ZFHX2: variants seen among roughly 807,000 people sequenced by gnomAD.
ZFHX2 encodes zinc finger homeobox protein 2.
ZFHX2 carries 75 observed loss-of-function variants against 164.8 expected under a neutral mutation model. That is an observed-to-expected ratio of 0.46 (90% CI 0.38 to 0.55). The LOEUF (loss-of-function observed/expected upper bound fraction) is 0.55, where lower values mean the gene tolerates loss of function less well. Among genes scored for constraint, ZFHX2 ranks in the 20% least tolerant of loss-of-function variants. The pLI is 0.00. For missense variants in ZFHX2, 2,933 were observed against 3,308.0 expected (o/e 0.89, Z 2.78); for synonymous variants, 1,217 against 1,351.4 (o/e 0.90, Z 2.18).
Position 23,524,571 on chromosome 14 carries a change from G to T in ZFHX2, c.5371C>A (p.His1791Asn), listed in dbSNP as rs904101994. ...QDLLTSHRRL[H>N]FLPSLQPSAP... ...CTGGGCTGCAGAGATGGCAGGAAAT[G>T]TAGTCGGCGGTGACTGGTCAGGAGG... Residue 1791 changes from histidine to asparagine, a missense_variant, in exon 9 of 10, where the codon CAT (histidine) becomes AAT (asparagine). By Grantham distance (68) the His-to-Asn change is moderately conservative. Transcript: ENST00000419474. This position sits in a 1 kb window ranked among gnomAD's most constrained non-coding sequence, Gnocchi z 5.6. The T allele has an allele frequency of 1.3e-6, 2 of 1,534,022 alleles. No homozygotes were observed. Among genetic ancestry groups the T allele is most frequent in the African/African-American group, 2.7e-5 (2 of 73,026 alleles).
Position 23,525,643 on chromosome 14 carries a change from G to C in ZFHX2, c.4299C>G (p.Asn1433Lys), listed in dbSNP as rs1446340152. The C allele has an allele frequency of 1.3e-6, 2 of 1,535,668 alleles. No homozygotes were observed. The highest frequency in any genetic ancestry group is 2.7e-5 in the African/African-American group (2 of 72,990). ...CTTTGGCTGCAGTGCGGGCAGCCTC[G>C]TTGGGCAATGGGTCGGGGGGTGAGG... is the stretch of plus-strand genomic sequence containing the variant. ...GPSSPPDPLP[N>K]EAARTAAKAL... Residue 1433 changes from asparagine to lysine, a missense_variant, in exon 9 of 10, where the codon AAC becomes AAG. Physicochemically the swap from Asn to Lys is moderately conservative, Grantham distance 94 (BLOSUM62 0). Coordinates refer to ENST00000419474, the MANE Select transcript of ZFHX2 (RefSeq NM_033400.3). This position sits in a 1 kb window ranked among gnomAD's most constrained non-coding sequence, Gnocchi z 5.9.
intron 3 of ZFHX2, 124 bp from the exon 4 acceptor site, chr14:23,531,845 T>C (rs1320827486): frequency 5.0e-6 from 6 of 1,196,382 alleles, no homozygotes; most frequent in South Asian, 8.2e-5. Flanking sequence ...TGGCATGATC[T>C]CTACTCACTG....
Position 23,524,601 on chromosome 14 carries a change from G to T in ZFHX2, c.5341C>A (p.Gln1781Lys). ...CDQCAISFSS[Q>K]DLLTSHRRLH... ...CGGCGGTGACTGGTCAGGAGGTCCT[G>T]GCTGGAGAAAGAAATGGCACACTGG... Residue 1781 changes from glutamine to lysine, a missense_variant, in exon 9 of 10, where the codon CAG (glutamine) becomes AAG (lysine). Coordinates refer to ENST00000419474, the MANE Select transcript of ZFHX2 (RefSeq NM_033400.3). This position sits in a 1 kb window ranked among gnomAD's most constrained non-coding sequence, Gnocchi z 5.6. 1 of 1,536,268 alleles carries T rather than the reference G, an allele frequency of 6.5e-7. No homozygotes were observed. Among genetic ancestry groups the T allele is most frequent in the South Asian group, 1.2e-5 (1 of 84,026 alleles).
chr14:23,524,637 G>A lies in ZFHX2; in HGVS notation c.5305C>T (p.His1769Tyr). The change falls in exon 9 of 10, where the codon CAT (histidine) becomes TAT (tyrosine). Residue 1769 changes from histidine (H) to tyrosine (Y), a missense_variant. Coordinates refer to ENST00000419474, the MANE Select transcript of ZFHX2 (RefSeq NM_033400.3). The surrounding 1 kb of genome is among the most constrained non-coding windows in gnomAD (Gnocchi z 5.6). ...EKATPSPSPA[H>Y]TCDQCAISFS... Reference sequence around the variant, plus strand: ...GAAATGGCACACTGGTCACAGGTATGGGCTGGGGAAGGTGATGGAGTAGCC... The same window carrying A: ...GAAATGGCACACTGGTCACAGGTATAGGCTGGGGAAGGTGATGGAGTAGCC... 3 of 1,536,430 alleles carry A rather than the reference G, an allele frequency of 2.0e-6. No individual in the cohort carries two copies. Among genetic ancestry groups the A allele is most frequent in the Non-Finnish European group, 2.6e-6 (3 of 1,146,920 alleles).
In ZFHX2 at chr14:23,535,851, C is replaced by T. The variant is rs1331377976; in HGVS notation, c.-49-477G>A. On this transcript the variant is annotated intron_variant, in intron 1 of 9. Transcript: ENST00000419474. The surrounding 1 kb of genome is among the most constrained non-coding windows in gnomAD (Gnocchi z 4.5). ...AAGTGATCCGCCCACCTCGGCCTCC[C>T]AAAGTGCTAGGATTATAGGCGTGAG... is the stretch of plus-strand genomic sequence containing the variant. Among the ~76,000 whole-genome samples, 1 of 152,186 alleles carries T rather than the reference C, an allele frequency of 6.6e-6. No individual in the cohort carries two copies. Among genetic ancestry groups the T allele is most frequent in the African/African-American group, 2.4e-5 (1 of 41,424 alleles).
intron 1 of ZFHX2, among the ~76,000 whole-genome samples, chr14:23,540,371 T>A (rs565347557): frequency 2.6e-4 from 40 of 152,308 alleles, no homozygotes; most frequent in African/African-American, 7.9e-4. Context: ...GACCTTTTTT[T>A]AAAAATTCCT....
At chr14:23,530,505 A>G in intron 4 of ZFHX2, 2 of 566,282 alleles carry the variant, frequency 3.5e-6, no homozygotes, top group Non-Finnish European at 6.6e-6. Flanking sequence ...TAAATGACCC[A>G]GGAAATGGGA....
chr14:23,534,840 G>A lies in ZFHX2; in HGVS notation c.486C>T (p.Pro162=), dbSNP rs1879975733. 1 of 1,536,162 alleles carries A rather than the reference G, an allele frequency of 6.5e-7. No individual in the cohort carries two copies. The highest frequency in any genetic ancestry group is 2.4e-5 in the East Asian group (1 of 40,912). The change falls in exon 2 of 10, where the codon CCC becomes CCT. Residue 162 remains proline (P), a synonymous_variant. Coordinates refer to ENST00000419474, the MANE Select transcript of ZFHX2 (RefSeq NM_033400.3). This position sits in a 1 kb window ranked among gnomAD's most constrained non-coding sequence, Gnocchi z 4.5. The part of the protein sequence containing the change: ...EPSLPFLAYP[P]PSHLTALHIQ... Reference sequence around the variant, plus strand: ...TGTGAAGGGCAGTGAGGTGTGAGGGGGGTGGGTAGGCAAGGAAGGGCAGAC... The same window carrying A: ...TGTGAAGGGCAGTGAGGTGTGAGGGAGGTGGGTAGGCAAGGAAGGGCAGAC...
In ZFHX2 at chr14:23,527,733, C is replaced by A. The variant is rs1878934721; in HGVS notation, c.3006G>T (p.Gln1002His). ...SSQVRAHTLS[Q>H]HAVQPKYRCP... is the part of the protein sequence containing the mutation. ...ATCTGTACTTGGGCTGCACTGCATG[C>A]TGGGAGAGTGTATGAGCCCTCACCT... The change falls in exon 7 of 10, where the codon CAG (glutamine) becomes CAT (histidine). Residue 1002 changes from glutamine to histidine, a missense_variant. By Grantham distance (24) the Gln-to-His change is conservative. Transcript: ENST00000419474. 4 of 1,536,024 alleles carry A rather than the reference C, an allele frequency of 2.6e-6. No individual in the cohort carries two copies. Among genetic ancestry groups the A allele is most frequent in the Non-Finnish European group, 3.5e-6 (4 of 1,146,922 alleles).
chr14:23,527,901 C>CA, intron 6 of ZFHX2, 97 bp from the exon 7 acceptor site: 3 of 448,786 alleles, frequency 6.7e-6, no homozygotes, highest in Non-Finnish European at 1.1e-5. Flanking sequence ...GCCCCCACTC[C>CA]TTTTTTTTTT....
rs374714949 is a variant in ZFHX2 at position 23,533,704 on chromosome 14, G to A, written c.1622C>T (p.Ala541Val). 20 of 1,541,806 alleles carry A rather than the reference G, an allele frequency of 1.3e-5. No homozygotes were observed. The highest frequency in any genetic ancestry group is 5.8e-5 in the Admixed American group (3 of 51,356). Residue 541 changes from alanine (A) to valine (V), a missense_variant, in exon 2 of 10, where the codon GCG becomes GTG. By Grantham distance (64) the Ala-to-Val change is moderately conservative. Coordinates refer to ENST00000419474, the MANE Select transcript of ZFHX2 (RefSeq NM_033400.3). This position sits in a 1 kb window ranked among gnomAD's most constrained non-coding sequence, Gnocchi z 4.8. ...KHLANLQGFQ[A>V]GPGGQGSPPE... ...TGGACTTCCCTGCCCACCAGGGCCC[G>A]CCTGGAAGCCCTGTAGGTTGGCCAG...
chr14:23,526,761 C>A (rs747135595), intron 8 of ZFHX2, 82 bp from the exon 9 acceptor site: 20 of 1,530,634 alleles, frequency 1.3e-5, no homozygotes, highest in African/African-American at 2.7e-5. Flanking sequence ...AGGCAGTTGA[C>A]CTTGGCCTCA....
chr14:23,525,366 G>A lies in ZFHX2; in HGVS notation c.4576C>T (p.Leu1526=), dbSNP rs1273566260. Residue 1526 remains leucine, a synonymous_variant, in exon 9 of 10, where the codon CTA becomes TTA. Coordinates refer to ENST00000419474, the MANE Select transcript of ZFHX2 (RefSeq NM_033400.3). The surrounding 1 kb of genome is among the most constrained non-coding windows in gnomAD (Gnocchi z 5.9). ...GGAGGCTCTGCAAGGGGCGGGTATA[G>A]GCTGTCATAGCTCTTTCGAAACTGA... ...AAQFRKSYDS[L]YPPLAEPPKP... The A allele has an allele frequency of 1.3e-6, 2 of 1,536,158 alleles. No individual in the cohort carries two copies. The highest frequency in any genetic ancestry group is 8.7e-7 in the Non-Finnish European group (1 of 1,146,918).
At position 23,536,086 on chromosome 14, in the gene ZFHX2, C is replaced by G. The variant is rs1215154308; in HGVS notation, c.-49-712G>C. ...CATTTATCTCCTTCACTAACACCAT[C>G]CTGGGGCCCGCTGAAATCCGGGCAG... On this transcript the variant is annotated intron_variant, in intron 1 of 9. Transcript: ENST00000419474. Among the ~76,000 whole-genome samples, 6 of 152,186 alleles carry G rather than the reference C, an allele frequency of 3.9e-5. No homozygotes were observed. The East Asian group carries it at 9.6e-4, about 24-fold the overall frequency.
chr14:23,553,888 C>T (rs901337024), upstream of ZFHX2, among the ~76,000 whole-genome samples: 13 of 151,880 alleles, frequency 8.6e-5, no homozygotes, highest in Admixed American at 3.3e-4. Context: ...AGCGAGACTC[C>T]GTCTCAAACA....
chr14:23,527,898 CT>C, intron 6 of ZFHX2, 94 bp from the exon 7 acceptor site: 7 of 824,228 alleles, frequency 8.5e-6, no homozygotes, highest in Non-Finnish European at 1.3e-5. Context: ...CCCGCCCCCA[CT>C]CCTTTTTTTT....
chr14:23,551,859 C>T (rs987881704), upstream of ZFHX2, among the ~76,000 whole-genome samples: 9 of 152,194 alleles, frequency 5.9e-5, no homozygotes, highest in African/African-American at 2.2e-4. This position sits in a 1 kb window ranked among gnomAD's most constrained non-coding sequence, Gnocchi z 5.3. Flanking sequence ...TGTTCGCGCC[C>T]GCCCGCCTGC....
In ZFHX2 at chr14:23,526,533, C is replaced by T. The variant is rs1444033023; in HGVS notation, c.3409G>A (p.Ala1137Thr). ...PSPVPEPDAQ[A>T]EDVAPPPTMA... Reference sequence around the variant, plus strand: ...GTGGGCGGAGGAGCTACGTCTTCAGCTTGGGCATCAGGTTCAGGGACTGGA... The same window carrying T: ...GTGGGCGGAGGAGCTACGTCTTCAGTTTGGGCATCAGGTTCAGGGACTGGA... The change falls in exon 9 of 10, where the codon GCT (alanine) becomes ACT (threonine). Residue 1137 changes from alanine (A) to threonine (T), a missense_variant. By Grantham distance (58) the Ala-to-Thr change is moderately conservative (BLOSUM62 0). Transcript: ENST00000419474. 8.5e-6 allele frequency: 13 copies of T among 1,535,938 alleles called. No individual in the cohort carries two copies. Among genetic ancestry groups the T allele is most frequent in the South Asian group, 1.2e-5 (1 of 84,032 alleles).
Position 23,533,483 on chromosome 14 carries a change from G to A in ZFHX2, c.1843C>T (p.Pro615Ser), listed in dbSNP as rs1306028562. 1.3e-6 allele frequency: 2 copies of A among 1,536,006 alleles called. No individual in the cohort carries two copies. The highest frequency in any genetic ancestry group is 4.9e-5 in the East Asian group (2 of 40,914). Residue 615 changes from proline (P) to serine (S), a missense_variant, in exon 2 of 10, where the codon CCA becomes TCA. Transcript: ENST00000419474. The surrounding 1 kb of genome is among the most constrained non-coding windows in gnomAD (Gnocchi z 4.8). ...GCCCCTGGTGGGGGAGGAGGGCCTG[G>A]CCCCATCAATCCAGGTGGCAGGCCC... ...PLGLPPGLMG[P>S]GPPPPPGATP...
Sources: gnomAD v4.1 joint callset for allele counts (sites outside exome capture counted in the v4.1 genomes callset) on GRCh38, gnomAD v4.1.1 for gene constraint, Gnocchi (gnomAD v3.1) non-coding constraint, MANE v1.5 for transcripts, NCBI Gene and HGNC (gene_info 2026-07-23, HGNC 2026-07-21) for gene names.